PRMT8: variants seen among roughly 807,000 people sequenced by gnomAD.
The protein encoded by PRMT8 is protein arginine N-methyltransferase 8.
In PRMT8, 7 loss-of-function variants were observed where a neutral mutation model predicts 47.1. The observed-to-expected ratio is 0.15, with a 90% confidence interval of 0.08 to 0.28. PRMT8 has a LOEUF of 0.28. Ranked by LOEUF, PRMT8 falls within the 10% of genes least tolerant of loss-of-function variation. The pLI is 1.00. For missense variants in PRMT8, 237 were observed against 505.4 expected, an observed-to-expected ratio of 0.47 and a Z score of 5.09; for synonymous variants, 188 against 186.5, an observed-to-expected ratio of 1.01 and a Z score of -0.07.
intron 1 of PRMT8, among the ~76,000 whole-genome samples, chr12:3,496,214 A>ATATTTTTTTTT: frequency 1.1e-4 from 3 of 27,776 alleles, no homozygotes; most frequent in Non-Finnish European, 2.4e-4. Context: ...ATATATATAT[A>ATATTTTTTTTT]TTTTTTTTTT....
chr12:3,397,138 C>T (rs1021457544), intron 1 of PRMT8, among the ~76,000 whole-genome samples: 16 of 151,886 alleles, frequency 1.1e-4, no homozygotes, highest in Admixed American at 8.5e-4. Context: ...AAGTTTTCAA[C>T]TTCTTTGCCT....
intron 7 of PRMT8, among the ~76,000 whole-genome samples, chr12:3,582,125 T>C (rs1867078722): frequency 6.6e-6 from 1 of 152,218 alleles, no homozygotes; most frequent in African/African-American, 2.4e-5. Flanking sequence ...AAGTTCTTCC[T>C]TGGGCCTCAC....
At chr12:3,420,840 C>T (rs1394645065) in intron 1 of PRMT8, among the ~76,000 whole-genome samples, 1 of 152,200 alleles carries the variant, frequency 6.6e-6, no homozygotes, top group Non-Finnish European at 1.5e-5. Context: ...AAATACTCAC[C>T]TACTCACAGG....
chr12:3,414,278 C>A (rs984444616), intron 1 of PRMT8, among the ~76,000 whole-genome samples: 8 of 152,182 alleles, frequency 5.3e-5, no homozygotes, highest in African/African-American at 1.9e-4. Context: ...GCTGCACTCC[C>A]CAAAAGTCTC....
chr12:3,506,398 CG>C (rs1865625176), intron 1 of PRMT8, among the ~76,000 whole-genome samples: 1 of 152,110 alleles, frequency 6.6e-6, no homozygotes, highest in South Asian at 2.1e-4. Flanking sequence ...CTGGAAGAGA[CG>C]GGAGCAGAAC....
intron 1 of PRMT8, among the ~76,000 whole-genome samples, chr12:3,446,230 C>T (rs993884278): frequency 2.0e-5 from 3 of 152,114 alleles, no homozygotes; most frequent in Non-Finnish European, 4.4e-5. Context: ...TGGCCTGTTG[C>T]TGAATTATTT....
At chr12:3,487,558 C>T (rs77885317), upstream of PRMT8, among the ~76,000 whole-genome samples, 1,216 of 152,260 alleles carry the variant, frequency 8.0e-3, 14 homozygotes, top group African/African-American at 0.027. Flanking sequence ...AACCTTCTGG[C>T]GTTTGTGGGG....
At chr12:3,381,824 A>G (rs1409407542) in intron 1 of PRMT8, among the ~76,000 whole-genome samples, 2 of 152,204 alleles carry the variant, frequency 1.3e-5, no homozygotes, top group African/African-American at 4.8e-5. Context: ...ATTCCATCAG[A>G]GGATCCCTCT....
intron 1 of PRMT8, among the ~76,000 whole-genome samples, chr12:3,431,342 G>A (rs1016375973): frequency 2.6e-5 from 4 of 152,150 alleles, no homozygotes; most frequent in African/African-American, 9.7e-5. Flanking sequence ...GCACCAAACT[G>A]CAGTTACTAG....
At chr12:3,385,989 G>A (rs929334912) in intron 1 of PRMT8, among the ~76,000 whole-genome samples, 2 of 152,108 alleles carry the variant, frequency 1.3e-5, no homozygotes, top group African/African-American at 4.8e-5. Context: ...TCCTTACTAT[G>A]ACTCTTCTAT....
At chr12:3,488,739 TAGAG>T (rs148966754), upstream of PRMT8, among the ~76,000 whole-genome samples, 1,216 of 152,336 alleles carry the variant, frequency 8.0e-3, 14 homozygotes, top group African/African-American at 0.027. Flanking sequence ...GCAAAAGAGA[TAGAG>T]AAAGACTGAA....
At chr12:3,470,341 A>C (rs1035715425) in intron 1 of PRMT8, among the ~76,000 whole-genome samples, 2 of 152,114 alleles carry the variant, frequency 1.3e-5, no homozygotes, top group Non-Finnish European at 2.9e-5. Context: ...TTGTTTTTCC[A>C]TAGGACTCAA....
At position 3,456,939 on chromosome 12, in the gene PRMT8, G is replaced by T. The variant is rs1189738251; in HGVS notation, c.48+75497G>T. Among the ~76,000 whole-genome samples, 1 of 152,168 alleles carries T rather than the reference G, an allele frequency of 6.6e-6. No individual in the cohort carries two copies. Among genetic ancestry groups the T allele is most frequent in the African/African-American group, 2.4e-5 (1 of 41,428 alleles). ...TGGCTGACGTCCTAGCCGTGTTAAGGGGGTGGGGGCTCTGGCCTCGCTGAC... is the reference window on the plus strand; with the variant it reads ...TGGCTGACGTCCTAGCCGTGTTAAGTGGGTGGGGGCTCTGGCCTCGCTGAC... On this transcript the variant is annotated intron_variant, in intron 1 of 9. Coordinates refer to the PRMT8 transcript ENST00000452611. This position sits in a 1 kb window ranked among gnomAD's most constrained non-coding sequence, Gnocchi z 4.2.
chr12:3,437,291 CT>C (rs1864753852), intron 1 of PRMT8, among the ~76,000 whole-genome samples: 1 of 151,942 alleles, frequency 6.6e-6, no homozygotes, highest in African/African-American at 2.4e-5. Flanking sequence ...GTAAATCTAG[CT>C]GATTTATTTA....
chr12:3,496,392 T>C (rs535611088), intron 1 of PRMT8, among the ~76,000 whole-genome samples: 14 of 151,376 alleles, frequency 9.2e-5, no homozygotes, highest in African/African-American at 3.4e-4. Context: ...TTTTGGCTAA[T>C]AGATCTTTCT....
chr12:3,405,733 T>C (rs1864366747), intron 1 of PRMT8, among the ~76,000 whole-genome samples: 1 of 152,236 alleles, frequency 6.6e-6, no homozygotes, highest in African/African-American at 2.4e-5. Flanking sequence ...ATCCAGGTCA[T>C]GCTGATGCAA....
Position 3,576,558 on chromosome 12 carries a change from TAGCCTGGGTTCTAGTCTTTGC to T in PRMT8, c.713-312_713-292del, listed in dbSNP as rs1451410340. On this transcript the variant is annotated intron_variant, in intron 6 of 9. Transcript: ENST00000382622. This position sits in a 1 kb window ranked among gnomAD's most constrained non-coding sequence, Gnocchi z 4.0. ...GAGGGGACAGGAAGGAAGAGTCAGC[TAGCCTGGGTTCTAGTCTTTGC>T]CCTGCTGCACTCTAGCTATAGGAGC... Among the ~76,000 whole-genome samples the T allele has an allele frequency of 1.3e-3, 193 of 152,262 alleles. 1 individual carries two copies. Among genetic ancestry groups the T allele is most frequent in the African/African-American group, 4.4e-3 (183 of 41,556 alleles).
rs1309466504 is a variant in PRMT8, at chr12:3,535,817, G to A, written c.76-4789G>A. Among the ~76,000 whole-genome samples, 1 of 152,180 alleles carries A rather than the reference G, an allele frequency of 6.6e-6. No individual in the cohort carries two copies. The highest frequency in any genetic ancestry group is 1.5e-5 in the Non-Finnish European group (1 of 68,032). Reference sequence around the variant, plus strand: ...ATGTTGAGAGTCCAGCTGCCCATCCGAGTGTGATTCCAAATCCTTTTGCTG... The same window carrying A: ...ATGTTGAGAGTCCAGCTGCCCATCCAAGTGTGATTCCAAATCCTTTTGCTG... On this transcript the variant is annotated intron_variant, in intron 1 of 9. Transcript: ENST00000382622. This position sits in a 1 kb window ranked among gnomAD's most constrained non-coding sequence, Gnocchi z 4.7.
intron 1 of PRMT8, among the ~76,000 whole-genome samples, chr12:3,406,050 T>C (rs1449453399): frequency 6.6e-6 from 1 of 152,222 alleles, no homozygotes; most frequent in Non-Finnish European, 1.5e-5. Flanking sequence ...TTCCATACAT[T>C]TCTGAAATCT....
Sources: gnomAD v4.1 joint callset for allele counts (sites outside exome capture counted in the v4.1 genomes callset) on GRCh38, gnomAD v4.1.1 for gene constraint, Gnocchi (gnomAD v3.1) non-coding constraint, MANE v1.5 for transcripts, NCBI Gene and HGNC (gene_info 2026-07-23, HGNC 2026-07-21) for gene names.